PCDH9: variants seen among roughly 807,000 people sequenced by gnomAD.
PCDH9 encodes the protein protocadherin 9.
A neutral mutation model predicts 70.6 loss-of-function variants in PCDH9; 24 were observed. The observed-to-expected ratio is 0.34, with a 90% CI of 0.25 to 0.48. The LOEUF (loss-of-function observed/expected upper bound fraction) is 0.48, where lower values mean the gene tolerates loss of function less well. Ranked by LOEUF, PCDH9 falls within the 20% of genes least tolerant of loss-of-function variation. PCDH9 has a pLI of 0.99. For missense variants in PCDH9, 1,281 were observed against 1,503.6 expected (o/e 0.85, Z 2.45); for synonymous variants, 562 against 558.5 (o/e 1.01, Z -0.09).
In PCDH9 at chr13:66,302,914, G is replaced by A. The variant is rs1955391289; in HGVS notation, c.*1741C>T. 6.6e-6 allele frequency: 1 copy of A among 152,306 alleles called. No individual in the cohort carries two copies. Among genetic ancestry groups the A allele is most frequent in the Non-Finnish European group, 1.5e-5 (1 of 67,944 alleles). 9.4% of individuals were successfully genotyped at this position (152,306 alleles called of 1,614,324 possible). A position where few individuals can be genotyped will look rare whatever the true frequency, so the allele number is the denominator to read the frequency against. On this transcript the variant is annotated 3_prime_UTR_variant, in exon 5 of 5. Coordinates refer to ENST00000377865, the MANE Select transcript of PCDH9 (RefSeq NM_203487.3). Reference sequence around the variant, plus strand: ...TGGCAAAGCAGTAACAAGGATAATTGTTTAGATATTTATTCTGTCAAAGTC... The same window carrying A: ...TGGCAAAGCAGTAACAAGGATAATTATTTAGATATTTATTCTGTCAAAGTC...
chr13:67,195,131 A>G (rs547374830), intron 2 of PCDH9, among the ~76,000 whole-genome samples: 3 of 151,566 alleles, frequency 2.0e-5, no homozygotes, highest in East Asian at 3.9e-4. Context: ...TAATGTCTTG[A>G]CTATTATTTT....
intron 3 of PCDH9, among the ~76,000 whole-genome samples, chr13:66,741,718 A>T (rs2079266836): frequency 6.1e-5 from 2 of 32,634 alleles, no homozygotes; most frequent in African/African-American, 1.6e-4. Flanking sequence ...AGAGAGCCAA[A>T]TCATGAGTGA....
In PCDH9 at chr13:66,749,408, T is replaced by C. The variant is rs139083378; in HGVS notation, c.3139-117997A>G. ...CTACATCATAATCAACAATCATTTATGAAATGCTTAACATGTGCCAGGCAA... is the reference window on the plus strand; with the variant it reads ...CTACATCATAATCAACAATCATTTACGAAATGCTTAACATGTGCCAGGCAA... On this transcript the variant is annotated intron_variant, in intron 3 of 4. Coordinates refer to ENST00000377865, the MANE Select transcript of PCDH9 (RefSeq NM_203487.3). 8.2e-4 allele frequency among the ~76,000 whole-genome samples: 125 copies of C among 152,266 alleles called. 1 individual carries two copies. Among genetic ancestry groups the C allele is most frequent in the African/African-American group, 2.9e-3 (122 of 41,566 alleles).
At chr13:67,144,914 C>A (rs1183338337) in intron 2 of PCDH9, among the ~76,000 whole-genome samples, 2 of 152,066 alleles carry the variant, frequency 1.3e-5, no homozygotes, top group Non-Finnish European at 2.9e-5. Context: ...TGATTTAAAT[C>A]CCACCTGTCA....
chr13:66,632,415 C>T (rs761147289), intron 3 of PCDH9, among the ~76,000 whole-genome samples: 1 of 152,134 alleles, frequency 6.6e-6, no homozygotes, highest in African/African-American at 2.4e-5. Flanking sequence ...TTATTCTTGA[C>T]CATTGACCCA....
intron 2 of PCDH9, among the ~76,000 whole-genome samples, chr13:67,061,718 A>T (rs2085543222): frequency 6.6e-6 from 1 of 152,118 alleles, no homozygotes; most frequent in Non-Finnish European, 1.5e-5. Flanking sequence ...GGTGCGTTTT[A>T]AAAAATGAAT....
At chr13:67,222,701 A>T (rs2089757114) in intron 2 of PCDH9, 4 of 152,114 alleles carry the variant, frequency 2.6e-5, no homozygotes, top group African/African-American at 9.7e-5. Context: ...GTATTTTTTT[A>T]AATAAATTCC....
At position 66,313,284 on chromosome 13, in the gene PCDH9, TTCA is replaced by T. The variant is rs1166649962; in HGVS notation, c.3341-8259_3341-8257del. Among the ~76,000 whole-genome samples the T allele has an allele frequency of 9.2e-5, 14 of 152,334 alleles. No individual in the cohort carries two copies. In the East Asian group the frequency reaches 2.5e-3, roughly 27 times the overall value. The stretch of plus-strand genomic sequence containing the variant: ...AGATCATATTTACTTTCTTCTATAG[TTCA>T]TCATTTCTTGTATTAGTATTTCACG... On this transcript the variant is annotated intron_variant, in intron 4 of 4. Transcript: ENST00000377865.
intron 4 of PCDH9, among the ~76,000 whole-genome samples, chr13:66,458,229 A>G (rs1361409155): frequency 6.6e-6 from 1 of 152,024 alleles, no homozygotes. Context: ...TATTATATAT[A>G]GTGATTTAAG....
chr13:66,932,659 C>CATATAT (rs199791250), intron 2 of PCDH9, among the ~76,000 whole-genome samples: 18 of 130,356 alleles, frequency 1.4e-4, no homozygotes, highest in South Asian at 2.4e-4. Flanking sequence ...TAAATCCTCA[C>CATATAT]ATATATATAT....
chr13:66,737,250 T>G (rs1024597328), intron 3 of PCDH9, among the ~76,000 whole-genome samples: 3 of 152,220 alleles, frequency 2.0e-5, no homozygotes, highest in African/African-American at 7.2e-5. Context: ...ATTTTGGTTT[T>G]GTCTGGTTTC....
intron 4 of PCDH9, among the ~76,000 whole-genome samples, chr13:66,538,752 G>A (rs1025200489): frequency 3.6e-5 from 4 of 110,032 alleles, no homozygotes; most frequent in Admixed American, 1.1e-4. Flanking sequence ...GTTTAATCAA[G>A]TATCTGGGTA....
intron 3 of PCDH9, among the ~76,000 whole-genome samples, chr13:66,679,108 A>G (rs1438157443): frequency 6.6e-6 from 1 of 151,730 alleles, no homozygotes; most frequent in African/African-American, 2.4e-5. Context: ...AAATTAATTG[A>G]GCTTTTTCGG....
At chr13:67,176,186 A>G (rs564050196) in intron 2 of PCDH9, among the ~76,000 whole-genome samples, 47 of 152,320 alleles carry the variant, frequency 3.1e-4, no homozygotes, top group Admixed American at 2.0e-3. Flanking sequence ...AGAAAGAAAG[A>G]CAGAAGATGG....
chr13:66,979,795 T>C (rs1345403567), intron 2 of PCDH9, among the ~76,000 whole-genome samples: 2 of 152,184 alleles, frequency 1.3e-5, no homozygotes, highest in African/African-American at 4.8e-5. Flanking sequence ...GCTCATTTTA[T>C]AAGATTTGAC....
chr13:66,594,163 T>A (rs2077073098), intron 4 of PCDH9, among the ~76,000 whole-genome samples: 1 of 151,772 alleles, frequency 6.6e-6, no homozygotes, highest in East Asian at 1.9e-4. Flanking sequence ...CTAAGAAATG[T>A]GTTATATGAG....
chr13:66,744,454 T>C (rs2079325813), intron 3 of PCDH9, among the ~76,000 whole-genome samples: 1 of 152,112 alleles, frequency 6.6e-6, no homozygotes, highest in African/African-American at 2.4e-5. Context: ...CGAAACTAAA[T>C]GAAAGGTACA....
intron 2 of PCDH9, among the ~76,000 whole-genome samples, chr13:67,125,831 G>A (rs890305451): frequency 1.2e-4 from 17 of 147,032 alleles, no homozygotes; most frequent in Admixed American, 6.8e-4. Flanking sequence ...AAAAATGTGT[G>A]TATATATATA....
At chr13:66,645,182 G>A (rs919727185) in intron 3 of PCDH9, among the ~76,000 whole-genome samples, 9 of 151,992 alleles carry the variant, frequency 5.9e-5, no homozygotes, top group South Asian at 2.1e-4. Flanking sequence ...CCAATCAAAC[G>A]CAGCAGTTCA....
Sources: gnomAD v4.1 joint callset for allele counts (sites outside exome capture counted in the v4.1 genomes callset) on GRCh38, gnomAD v4.1.1 for gene constraint, MANE v1.5 for transcripts, NCBI Gene and HGNC (gene_info 2026-07-23, HGNC 2026-07-21) for gene names.